SETX: variants seen among roughly 807,000 people sequenced by gnomAD.
The protein encoded by SETX is helicase senataxin.
Under a neutral mutation model 227.2 loss-of-function variants are expected in SETX, and 90 were observed. The ratio of observed to expected loss-of-function variants is 0.40; its 90% CI spans 0.33 to 0.47. SETX has a LOEUF of 0.47. Ranked by LOEUF, SETX falls within the 20% of genes least tolerant of loss-of-function variation. The pLI, the probability that SETX is intolerant of heterozygous loss-of-function variation, is 0.91. For synonymous variants in SETX, 1,210 were observed against 1,113.2 expected (o/e 1.09, Z -1.73); for missense variants, 3,052 against 3,181.5 (o/e 0.96, Z 0.98).
Position 132,331,107 on chromosome 9 carries a change from T to C in SETX, c.1043A>G (p.Asp348Gly), listed in dbSNP as rs1274024867. 1.9e-6 allele frequency: 3 copies of C among 1,613,508 alleles called. No homozygotes were observed. The highest frequency in any genetic ancestry group is 2.5e-6 in the Non-Finnish European group (3 of 1,179,574). Residue 348 changes from aspartate (D) to glycine (G), a missense_variant, in exon 9 of 26, where the codon GAT becomes GGT. Physicochemically the swap from Asp to Gly is moderately conservative, Grantham distance 94 (BLOSUM62 -1). Transcript: ENST00000224140. ...TACGATCTGGCTGCAAGTCACCATA[T>C]CATCCAAATAGGACTCCGGTTCTAA... ...TKLEPESYLD[D>G]MVTCSQIVYN...
At chr9:132,340,949 T>C (rs1331208145) in intron 5 of SETX, among the ~76,000 whole-genome samples, 1 of 152,180 alleles carries the variant, frequency 6.6e-6, no homozygotes, top group Non-Finnish European at 1.5e-5. Flanking sequence ...AATTCCATAG[T>C]GCCTCCCACA....
Position 132,262,094 on chromosome 9 carries a change from T to G in SETX, c.*2145A>C, listed in dbSNP as rs1011315463. The G allele has an allele frequency of 6.6e-6, 1 of 152,256 alleles. No homozygotes were observed. The allele number at this position is 152,256 out of a possible 1,614,324, so 9.4% of individuals were successfully genotyped here. A position where few individuals can be genotyped will look rare whatever the true frequency, so the allele number is the denominator to read the frequency against. ...CGTCACAGGACACAGGCTCGTCTGT[T>G]AGAAAGGATGATCTAGTTCTACCAT... On this transcript the variant is annotated 3_prime_UTR_variant, in exon 26 of 26. Coordinates refer to ENST00000224140, the MANE Select transcript of SETX (RefSeq NM_015046.7).
chr9:132,287,808 C>T (rs1844009800), intron 17 of SETX, among the ~76,000 whole-genome samples: 1 of 147,464 alleles, frequency 6.8e-6, no homozygotes, highest in Non-Finnish European at 1.5e-5. Context: ...ATCTGAGACA[C>T]ATTTTTAGTG....
At position 132,335,298 on chromosome 9, in the gene SETX, G is replaced by A. The variant is rs192217505; in HGVS notation, c.719-571C>T. Among the ~76,000 whole-genome samples the A allele has an allele frequency of 7.8e-3, 1,142 of 145,926 alleles. 12 individuals carry two copies. The highest frequency in any genetic ancestry group is 0.015 in the Middle Eastern group (4 of 260). The stretch of plus-strand genomic sequence containing the variant: ...CCCAGCTACTCGGGAGGCTGAGGCA[G>A]GAGAATGGCGTGAACCCAGGAGGCG... On this transcript the variant is annotated intron_variant, in intron 6 of 25. Transcript: ENST00000224140.
intron 11 of SETX, among the ~76,000 whole-genome samples, chr9:132,301,793 T>G (rs550758823): frequency 1.3e-5 from 2 of 152,310 alleles, no homozygotes; most frequent in East Asian, 3.9e-4. Context: ...TACAAGAATT[T>G]TGCAACTTCT....
chr9:132,277,789 C>CAAAAAA lies in SETX; in HGVS notation c.6842+275_6842+280dup, dbSNP rs372125008. 9.5e-4 allele frequency among the ~76,000 whole-genome samples: 65 copies of CAAAAAA among 68,110 alleles called. 2 individuals carry two copies. The highest frequency in any genetic ancestry group is 3.1e-3 in the African/African-American group (63 of 20,356). The allele number at this position is 68,110 out of a possible 152,430, so 44.7% of individuals were successfully genotyped here. ...GAGTGACAGAATGAGACCCTGTCTT[C>CAAAAAA]AAAAAAAAAAAAAAAAAAAAAAAGG... On this transcript the variant is annotated intron_variant, in intron 21 of 25. Coordinates refer to ENST00000224140, the MANE Select transcript of SETX (RefSeq NM_015046.7).
chr9:132,296,825 A>G (rs527756507), intron 14 of SETX, 62 bp downstream of exon 14: 16 of 1,442,850 alleles, frequency 1.1e-5, no homozygotes, highest in Admixed American at 1.7e-5. Flanking sequence ...CATGTCAGTT[A>G]ACTCAAGTAA....
At chr9:132,267,749 C>T (rs1384457057) in intron 25 of SETX, among the ~76,000 whole-genome samples, 2 of 152,202 alleles carry the variant, frequency 1.3e-5, no homozygotes, top group Non-Finnish European at 2.9e-5. Context: ...CAAACACTGT[C>T]TAAACGGAAT....
chr9:132,347,615 C>T (rs996506489), intron 3 of SETX, among the ~76,000 whole-genome samples: 9 of 151,868 alleles, frequency 5.9e-5, no homozygotes, highest in African/African-American at 2.2e-4. Flanking sequence ...CAGCCTTAAA[C>T]ACTTCTCTTG....
rs775185796 is a variant in SETX, at chr9:132,277,069, C to G, written c.6926G>C (p.Arg2309Pro). 1.9e-6 allele frequency: 3 copies of G among 1,613,416 alleles called. No individual in the cohort carries two copies. The African/African-American group carries it at 4.0e-5, about 22-fold the overall frequency. ...VFDVGDGSER[R>P]DNDSYINVQE... ...CAAGAGGAAAACATACTCATTATCC[C>G]GTCTTTCTGAACCATCTCCAACATC... is the stretch of plus-strand genomic sequence containing the variant. The change falls in exon 22 of 26, where the codon CGG becomes CCG. Residue 2309 changes from arginine (R) to proline (P), a missense_variant. This residue lies in a region of SETX where 412 missense variants were observed against 589.0 expected (regional missense o/e 0.70). Transcript: ENST00000224140.
chr9:132,271,634 TAATG>T, intron 24 of SETX, 72 bp downstream of exon 24: 1 of 1,177,742 alleles, frequency 8.5e-7, no homozygotes, highest in Non-Finnish European at 1.3e-6. Flanking sequence ...CTAACAGTGA[TAATG>T]AACCTAATCC....
At position 132,276,990 on chromosome 9, in the gene SETX, C is replaced by G. The variant is rs573053723; in HGVS notation, c.6935+70G>C. 3.4e-5 allele frequency: 45 copies of G among 1,327,746 alleles called. No individual in the cohort carries two copies. In the South Asian group the frequency reaches 5.2e-4, roughly 15 times the overall value. 82.2% of individuals were successfully genotyped at this position (1,327,746 alleles called of 1,614,324 possible). A position where few individuals can be genotyped will look rare whatever the true frequency, so the allele number is the denominator to read the frequency against. On this transcript the variant is annotated intron_variant, in intron 22 of 25. Transcript: ENST00000224140. ...AGATGTGTATAGGAAATGTATTTAA[C>G]AGAAATATGAATGCAAATCATGTAA...
At chr9:132,293,881 G>A (rs28406938) in intron 15 of SETX, among the ~76,000 whole-genome samples, 13,005 of 152,118 alleles carry the variant, frequency 0.085, 834 homozygotes, top group African/African-American at 0.18. Flanking sequence ...AAAATTAGCC[G>A]GGTGTTGTGG....
rs1842745369 is a variant in SETX, at chr9:132,268,388, C to T, written c.7287+1227G>A. Among the ~76,000 whole-genome samples the T allele has an allele frequency of 2.0e-5, 3 of 152,222 alleles. No homozygotes were observed. The South Asian group carries it at 6.2e-4, about 31-fold the overall frequency. ...TAGGTACATGCGCCTATAGTCTCAG[C>T]TACTCAGGAGGCTGAGGTGGGAGAA... On this transcript the variant is annotated intron_variant, in intron 25 of 25. Coordinates refer to ENST00000224140, the MANE Select transcript of SETX (RefSeq NM_015046.7).
chr9:132,264,202 A>T lies in SETX; in HGVS notation c.*37T>A. ...ACGAGCTGGTCATCTTCAGTTTACA[A>T]TATGCTGTGGCTGCTGGCCCATGTC... On this transcript the variant is annotated 3_prime_UTR_variant, in exon 26 of 26. Coordinates refer to ENST00000224140, the MANE Select transcript of SETX (RefSeq NM_015046.7). 1 of 1,612,972 alleles carries T rather than the reference A, an allele frequency of 6.2e-7. No homozygotes were observed. Among genetic ancestry groups the T allele is most frequent in the East Asian group, 2.2e-5 (1 of 44,880 alleles).
intron 15 of SETX, among the ~76,000 whole-genome samples, chr9:132,293,703 C>T (rs867779110): frequency 1.1e-4 from 17 of 151,950 alleles, no homozygotes; most frequent in East Asian, 1.9e-4. Flanking sequence ...TATAAGCGTG[C>T]GCCACTGTGC....
Position 132,336,185 on chromosome 9 carries a change from G to A in SETX, c.718+111C>T, listed in dbSNP as rs2131503581. The A allele has an allele frequency of 3.4e-6, 3 of 871,998 alleles. No individual in the cohort carries two copies. In the East Asian group the frequency reaches 7.9e-5, roughly 23 times the overall value. The allele number at this position is 871,998 out of a possible 1,614,324, so 54.0% of individuals were successfully genotyped here. ...TTGAACCTGGGAGGTGGAGCTTGCG[G>A]TGAGTGGAGATGGTGCCACTGCACT... On this transcript the variant is annotated intron_variant, in intron 6 of 25. Coordinates refer to ENST00000224140, the MANE Select transcript of SETX (RefSeq NM_015046.7).
intron 6 of SETX, 73 bp from the exon 7 acceptor site, chr9:132,334,800 G>T: frequency 6.6e-7 from 1 of 1,512,764 alleles, no homozygotes; most frequent in South Asian, 1.1e-5. Context: ...GTTTGCAAAA[G>T]AATAACAAGG....
At chr9:132,278,044 G>T in intron 21 of SETX, 26 bp downstream of exon 21, 1 of 1,596,782 alleles carries the variant, frequency 6.3e-7, no homozygotes, top group South Asian at 1.1e-5. Flanking sequence ...AACAAAATAA[G>T]GTCACAAACA....
Sources: gnomAD v4.1 joint callset for allele counts (sites outside exome capture counted in the v4.1 genomes callset) on GRCh38, gnomAD v4.1.1 for gene constraint, gnomAD v4.1.1 regional missense constraint, MANE v1.5 for transcripts, NCBI Gene and HGNC (gene_info 2026-07-23, HGNC 2026-07-21) for gene names.